HSD17B12: variants seen among roughly 807,000 people sequenced by gnomAD.
The protein encoded by HSD17B12 is very-long-chain 3-oxoacyl-CoA reductase.
Under a neutral mutation model 39.3 loss-of-function variants are expected in HSD17B12, and 32 were observed. That is an observed-to-expected ratio of 0.81 (90% CI 0.61 to 1.09). The LOEUF (loss-of-function observed/expected upper bound fraction) is 1.09. Among genes scored for constraint, HSD17B12 ranks in the 50% least tolerant of loss-of-function variants. HSD17B12 has a pLI of 0.00. For synonymous variants in HSD17B12, 150 were observed against 146.7 expected, an observed-to-expected ratio of 1.02 and a Z score of -0.16; for missense variants, 342 against 382.9, an observed-to-expected ratio of 0.89 and a Z score of 0.89.
intron 3 of HSD17B12, among the ~76,000 whole-genome samples, chr11:43,795,200 A>G (rs904408528): frequency 2.0e-5 from 3 of 152,126 alleles, no homozygotes; most frequent in African/African-American, 7.2e-5. Flanking sequence ...GTAATAGGCT[A>G]TGGGAAGGGG....
chr11:43,610,691 G>T, the HSD17B12 span, among the ~76,000 whole-genome samples: 8 of 152,174 alleles, frequency 5.3e-5, no homozygotes, highest in Non-Finnish European at 1.0e-4. Flanking sequence ...AAGATACTTT[G>T]CAGGGAACCA....
At position 43,854,445 on chromosome 11, in the gene HSD17B12, T is replaced by C. The variant is rs1391511155; in HGVS notation, c.685-270T>C. 4 of 368,770 alleles carry C rather than the reference T, an allele frequency of 1.1e-5. No individual in the cohort carries two copies. In the East Asian group the frequency reaches 1.9e-4, roughly 17 times the overall value. 22.8% of individuals were successfully genotyped at this position (368,770 alleles called of 1,614,324 possible). On this transcript the variant is annotated intron_variant, in intron 9 of 10. Coordinates refer to ENST00000278353, the MANE Select transcript of HSD17B12 (RefSeq NM_016142.3). ...CTGGATTATTTAATGCTTTCCTTTT[T>C]AAAGGTTCAAAAAGGTAGATTTCTG... is the stretch of plus-strand genomic sequence containing the variant.
chr11:43,769,457 G>A (rs565908742), intron 3 of HSD17B12, among the ~76,000 whole-genome samples: 25 of 152,252 alleles, frequency 1.6e-4, no homozygotes, highest in African/African-American at 4.6e-4. Flanking sequence ...ACCTGGCAAC[G>A]TCACCCAGTG....
chr11:43,747,950 G>T (rs971692662), intron 1 of HSD17B12, among the ~76,000 whole-genome samples: 2 of 152,180 alleles, frequency 1.3e-5, no homozygotes, highest in Non-Finnish European at 2.9e-5. Context: ...TACCCTGCGG[G>T]TGGTGTTGAG....
intron 3 of HSD17B12, among the ~76,000 whole-genome samples, chr11:43,795,914 G>C (rs1044193742): frequency 6.6e-6 from 1 of 152,126 alleles, no homozygotes; most frequent in African/African-American, 2.4e-5. Flanking sequence ...GGAGTGCTGG[G>C]GGGGATGGTT....
the HSD17B12 span, chr11:43,645,980 CAAA>C: frequency 2.5e-4 from 35 of 141,984 alleles, no homozygotes; most frequent in Non-Finnish European, 4.0e-4. Context: ...GACCCTGTCT[CAAA>C]AAAAAAAAAA....
intron 4 of HSD17B12, among the ~76,000 whole-genome samples, chr11:43,808,952 C>T (rs1448693657): frequency 6.6e-6 from 1 of 152,184 alleles, no homozygotes; most frequent in Admixed American, 6.5e-5. Flanking sequence ...CAAACTCTCT[C>T]TATAGGCTGT....
chr11:43,799,713 T>C (rs1293694157), intron 4 of HSD17B12, among the ~76,000 whole-genome samples: 3 of 152,202 alleles, frequency 2.0e-5, no homozygotes, highest in Admixed American at 2.0e-4. Context: ...TTTAAAAACA[T>C]TTTCTAACAT....
the HSD17B12 span, among the ~76,000 whole-genome samples, chr11:43,635,733 T>C: frequency 6.6e-6 from 1 of 152,226 alleles, no homozygotes; most frequent in Non-Finnish European, 1.5e-5. Context: ...ACATAAACTA[T>C]ACCAAGATGA....
chr11:43,832,170 T>C (rs936264218), intron 7 of HSD17B12, among the ~76,000 whole-genome samples: 5 of 152,162 alleles, frequency 3.3e-5, no homozygotes, highest in African/African-American at 1.2e-4. Flanking sequence ...GTCAGATATA[T>C]AAATGGCAGT....
At chr11:43,782,451 C>T (rs913646181) in intron 3 of HSD17B12, among the ~76,000 whole-genome samples, 1 of 152,032 alleles carries the variant, frequency 6.6e-6, no homozygotes, top group African/African-American at 2.4e-5. Flanking sequence ...GAGCCCAAGG[C>T]AGGAGGATTA....
At chr11:43,647,957 G>A in the HSD17B12 span, among the ~76,000 whole-genome samples, 3 of 152,150 alleles carry the variant, frequency 2.0e-5, no homozygotes, top group African/African-American at 7.2e-5. Flanking sequence ...TCAGAGTATT[G>A]GATGATTTTT....
intron 6 of HSD17B12, chr11:43,830,218 G>T (rs373413494): frequency 6.6e-6 from 1 of 152,306 alleles, no homozygotes; most frequent in African/African-American, 2.4e-5. Flanking sequence ...GAGAATTGAT[G>T]ATATCCAGGA....
chr11:43,683,009 C>T (rs1264017628), intron 1 of HSD17B12, among the ~76,000 whole-genome samples: 1 of 151,578 alleles, frequency 6.6e-6, no homozygotes, highest in Non-Finnish European at 1.5e-5. Flanking sequence ...AGAGGCTGGT[C>T]TGGAAGACCT....
At chr11:43,686,251 G>A (rs181974999) in intron 1 of HSD17B12, among the ~76,000 whole-genome samples, 52 of 152,266 alleles carry the variant, frequency 3.4e-4, no homozygotes, top group East Asian at 2.3e-3. Context: ...TATGTTTTTC[G>A]CAGAGGCAGG....
the HSD17B12 span, among the ~76,000 whole-genome samples, chr11:43,669,500 CA>C: frequency 2.1e-3 from 283 of 134,138 alleles, no homozygotes; most frequent in Middle Eastern, 3.7e-3. Flanking sequence ...GACTCTGTTT[CA>C]AAAAAAAAAA....
intron 1 of HSD17B12, among the ~76,000 whole-genome samples, chr11:43,686,118 G>A (rs1476579522): frequency 1.3e-5 from 2 of 152,186 alleles, no homozygotes; most frequent in African/African-American, 2.4e-5. Context: ...AATGGATTTA[G>A]TGACTCCCTG....
intron 3 of HSD17B12, among the ~76,000 whole-genome samples, chr11:43,792,170 A>G (rs1382492835): frequency 6.6e-6 from 1 of 152,156 alleles, no homozygotes; most frequent in Non-Finnish European, 1.5e-5. Flanking sequence ...AAGGCCTAGG[A>G]GTTGTGGGGG....
In HSD17B12 at chr11:43,817,032, ATCTATATC is replaced by A. The variant is rs1179550541; in HGVS notation, c.501+643_501+650del. On this transcript the variant is annotated intron_variant, in intron 6 of 10. Coordinates refer to ENST00000278353, the MANE Select transcript of HSD17B12 (RefSeq NM_016142.3). ...TATCTATATCTATATCTATATCTATATCTATATCTATATATATATATATATATCTCGTG... is the reference window on the plus strand; with the variant it reads ...TATCTATATCTATATCTATATCTATATATATATATATATATATATCTCGTG... Among the ~76,000 whole-genome samples, 43 of 23,804 alleles carry A rather than the reference ATCTATATC, an allele frequency of 1.8e-3. 2 individuals are homozygous for A. Among genetic ancestry groups the A allele is most frequent in the East Asian group, 0.016 (6 of 368 alleles). The allele number at this position is 23,804 out of a possible 152,430, so 15.6% of individuals were successfully genotyped here. A position where few individuals can be genotyped will look rare whatever the true frequency, so the allele number is the denominator to read the frequency against.
Sources: gnomAD v4.1 joint callset for allele counts (sites outside exome capture counted in the v4.1 genomes callset) on GRCh38, gnomAD v4.1.1 for gene constraint, MANE v1.5 for transcripts, NCBI Gene and HGNC (gene_info 2026-07-23, HGNC 2026-07-21) for gene names.